ZNF385B: variants seen among roughly 807,000 people sequenced by gnomAD.
ZNF385B encodes the protein zinc finger protein 533.
Under a neutral mutation model 39.2 loss-of-function variants are expected in ZNF385B, and 23 were observed. The ratio of observed to expected loss-of-function variants is 0.59; its 90% CI spans 0.42 to 0.83. The LOEUF (loss-of-function observed/expected upper bound fraction) is 0.83. ZNF385B is among the 40% of genes least tolerant of loss of function. The pLI, the probability that ZNF385B is intolerant of heterozygous loss-of-function variation, is 0.00. For missense variants in ZNF385B, 552 were observed against 598.9 expected, an observed-to-expected ratio of 0.92 and a Z score of 0.82; for synonymous variants, 205 against 222.6, an observed-to-expected ratio of 0.92 and a Z score of 0.70.
chr2:179,560,638 A>G (rs926491511), intron 3 of ZNF385B, among the ~76,000 whole-genome samples: 6 of 151,100 alleles, frequency 4.0e-5, no homozygotes, highest in East Asian at 1.9e-4. Context: ...TGCCTCTCTC[A>G]TCTCTCCTGT....
At chr2:179,695,058 A>G (rs1698636322) in intron 3 of ZNF385B, among the ~76,000 whole-genome samples, 1 of 152,190 alleles carries the variant, frequency 6.6e-6, no homozygotes, top group Non-Finnish European at 1.5e-5. Flanking sequence ...CATTCTATCT[A>G]TTATAAAAAT....
chr2:179,555,857 G>GGGTT (rs2060871779), intron 3 of ZNF385B, among the ~76,000 whole-genome samples: 1 of 149,004 alleles, frequency 6.7e-6, no homozygotes, highest in Non-Finnish European at 1.5e-5. Context: ...GGGAAGCTCA[G>GGGTT]GGTTCTCCCT....
chr2:179,632,699 A>G (rs1012288227), intron 3 of ZNF385B, among the ~76,000 whole-genome samples: 25 of 152,334 alleles, frequency 1.6e-4, no homozygotes, highest in African/African-American at 5.8e-4. Context: ...AATAACTAAG[A>G]TCAGAGCAGA....
intron 3 of ZNF385B, among the ~76,000 whole-genome samples, chr2:179,554,270 A>G (rs922743477): frequency 6.7e-6 from 1 of 149,354 alleles, no homozygotes; most frequent in African/African-American, 2.5e-5. Flanking sequence ...TATCAAAAAA[A>G]TGTTAAGTAG....
At chr2:179,678,294 C>T (rs970948743) in intron 3 of ZNF385B, among the ~76,000 whole-genome samples, 1 of 152,202 alleles carries the variant, frequency 6.6e-6, no homozygotes, top group South Asian at 2.1e-4. Flanking sequence ...TATGTTTGTT[C>T]CTTCTTTATA....
rs116368761 is a variant in ZNF385B at position 179,841,796 on chromosome 2, G to T, written c.-155+19305C>A. The stretch of plus-strand genomic sequence containing the variant: ...TAGCACAGGTCATGAGTAGTAGAAA[G>T]AATCATTTGAGAAGATCCAGGGCAA... On this transcript the variant is annotated intron_variant, in intron 1 of 9. Coordinates refer to ENST00000410066, the MANE Select transcript of ZNF385B (RefSeq NM_152520.6). Among the ~76,000 whole-genome samples the T allele has an allele frequency of 2.3e-3, 345 of 152,282 alleles. 3 individuals carry two copies. The highest frequency in any genetic ancestry group is 8.0e-3 in the African/African-American group (333 of 41,546).
intron 5 of ZNF385B, among the ~76,000 whole-genome samples, chr2:179,496,914 T>C (rs964681739): frequency 6.6e-6 from 1 of 152,126 alleles, no homozygotes; most frequent in Non-Finnish European, 1.5e-5. Flanking sequence ...CTGGGTGTGG[T>C]GATGCAAATC....
intron 3 of ZNF385B, among the ~76,000 whole-genome samples, chr2:179,696,325 A>ATTTTTTTTTTTTTTTT (rs1333224792): frequency 9.2e-4 from 9 of 9,822 alleles, no homozygotes; most frequent in Non-Finnish European, 1.3e-3. Flanking sequence ...ACAAACTGGG[A>ATTTTTTTTTTTTTTTT]CTTTTTTTTT....
intron 3 of ZNF385B, among the ~76,000 whole-genome samples, chr2:179,742,032 G>A (rs867851703): frequency 1.3e-4 from 19 of 151,980 alleles, no homozygotes; most frequent in Non-Finnish European, 1.5e-5. Context: ...GGAAAATCCC[G>A]AAAATATTCT....
At chr2:179,627,270 C>T (rs1205579407) in intron 3 of ZNF385B, among the ~76,000 whole-genome samples, 10 of 152,134 alleles carry the variant, frequency 6.6e-5, no homozygotes, top group Non-Finnish European at 1.3e-4. Context: ...TCATTTGAAA[C>T]TTTGAAACTG....
At chr2:179,809,323 C>T (rs535217766) in intron 1 of ZNF385B, among the ~76,000 whole-genome samples, 1 of 152,300 alleles carries the variant, frequency 6.6e-6, no homozygotes, top group African/African-American at 2.4e-5. Flanking sequence ...AACTCTCTCT[C>T]TTCTATCTTT....
intron 3 of ZNF385B, among the ~76,000 whole-genome samples, chr2:179,582,927 G>T (rs1574897458): frequency 6.6e-6 from 1 of 152,278 alleles, no homozygotes; most frequent in African/African-American, 2.4e-5. Flanking sequence ...TCAGTTCACT[G>T]CAACCTCTGC....
chr2:179,655,574 A>T (rs2106259644), intron 3 of ZNF385B, among the ~76,000 whole-genome samples: 1 of 152,114 alleles, frequency 6.6e-6, no homozygotes, highest in Non-Finnish European at 1.5e-5. Context: ...ACTTGGAGGA[A>T]AAAAACAGGA....
At chr2:179,580,357 C>A (rs752923384) in intron 3 of ZNF385B, among the ~76,000 whole-genome samples, 2 of 152,104 alleles carry the variant, frequency 1.3e-5, no homozygotes, top group East Asian at 3.9e-4. Flanking sequence ...AAACTTTAGG[C>A]AGGTTGCCCA....
At chr2:179,544,990 A>G (rs2060139253) in intron 3 of ZNF385B, 21 bp from the exon 4 acceptor site, 1 of 1,613,470 alleles carries the variant, frequency 6.2e-7, no homozygotes, top group Non-Finnish European at 8.5e-7. Context: ...CAAAACAAAA[A>G]TGAATTCAAT....
intron 3 of ZNF385B, among the ~76,000 whole-genome samples, chr2:179,563,140 G>C (rs955683124): frequency 2.0e-5 from 3 of 152,106 alleles, no homozygotes; most frequent in African/African-American, 7.2e-5. Flanking sequence ...CCTAATTTCA[G>C]TTATATAGGG....
chr2:179,636,536 C>T (rs138650331), intron 3 of ZNF385B, among the ~76,000 whole-genome samples: 1 of 152,126 alleles, frequency 6.6e-6, no homozygotes, highest in Non-Finnish European at 1.5e-5. Context: ...GGTTAAAATC[C>T]CTCACTTTAG....
intron 5 of ZNF385B, 96 bp downstream of exon 5, chr2:179,518,432 G>T: frequency 1.1e-6 from 1 of 922,544 alleles, no homozygotes. Context: ...AGGAGTGGCT[G>T]CTACAGTATG....
At chr2:179,508,975 C>A (rs1553583665) in intron 5 of ZNF385B, among the ~76,000 whole-genome samples, 1 of 144,088 alleles carries the variant, frequency 6.9e-6, no homozygotes, top group Non-Finnish European at 1.5e-5. Context: ...GAGACAGAGT[C>A]TCGCTCTGTC....
Sources: gnomAD v4.1 joint callset for allele counts (sites outside exome capture counted in the v4.1 genomes callset) on GRCh38, gnomAD v4.1.1 for gene constraint, MANE v1.5 for transcripts, NCBI Gene and HGNC (gene_info 2026-07-23, HGNC 2026-07-21) for gene names.